Variants in ANKRD13B observed in about 807,000 individuals in gnomAD.
ANKRD13B encodes the protein ankyrin repeat domain-containing protein 13B.
Under a neutral mutation model 74.4 loss-of-function variants are expected in ANKRD13B, and 33 were observed. The ratio of observed to expected loss-of-function variants is 0.44; its 90% confidence interval spans 0.34 to 0.59. The LOEUF is 0.59. Among genes scored for constraint, ANKRD13B ranks in the 20% least tolerant of loss-of-function variants. The pLI, the probability that ANKRD13B is intolerant of heterozygous loss-of-function variation, is 0.02. For missense variants in ANKRD13B, 676 were observed against 877.9 expected, an observed-to-expected ratio of 0.77 and a Z score of 2.91; for synonymous variants, 341 against 362.9, an observed-to-expected ratio of 0.94 and a Z score of 0.68.
chr17:29,599,096 G>T (rs1164493616), intron 1 of ANKRD13B, among the ~76,000 whole-genome samples: 3 of 152,212 alleles, frequency 2.0e-5, no homozygotes, highest in African/African-American at 7.2e-5. Flanking sequence ...CCTCAGATGG[G>T]CTGTCAGGGT....
At chr17:29,607,640 A>G (rs1254912219) in intron 1 of ANKRD13B, 102 bp from the exon 2 acceptor site, 2 of 1,475,710 alleles carry the variant, frequency 1.4e-6, no homozygotes, top group East Asian at 4.7e-5. Flanking sequence ...GAGCAGCCCC[A>G]GCAGGGGGTG....
At position 29,607,946 on chromosome 17, in the gene ANKRD13B, G is replaced by A. The variant is rs375318309; in HGVS notation, c.251-40G>A. 8.2e-6 allele frequency: 13 copies of A among 1,579,876 alleles called. No individual in the cohort carries two copies. The South Asian group carries it at 1.5e-4, about 18-fold the overall frequency. On this transcript the variant is annotated intron_variant, in intron 2 of 14. Transcript: ENST00000394859. The stretch of plus-strand genomic sequence containing the variant: ...CAGCATCATAGACCTATGGTTGGCT[G>A]AAGGGTCCTGCCCTGTGACCTTGCC...
intron 1 of ANKRD13B, among the ~76,000 whole-genome samples, chr17:29,602,997 C>T (rs938594774): frequency 4.6e-5 from 7 of 152,066 alleles, no homozygotes; most frequent in African/African-American, 1.4e-4. Flanking sequence ...ACTACAGGTG[C>T]CCACCACCAC....
At position 29,608,353 on chromosome 17, in the gene ANKRD13B, G is replaced by A. The variant is rs1488653333; in HGVS notation, c.421+113G>A. 3.3e-5 allele frequency: 46 copies of A among 1,412,322 alleles called. 1 individual carries two copies. In the Admixed American group the frequency reaches 8.7e-4, roughly 27 times the overall value. The allele number at this position is 1,412,322 out of a possible 1,614,324, so 87.5% of individuals were successfully genotyped here. A position where few individuals can be genotyped will look rare whatever the true frequency, so the allele number is the denominator to read the frequency against. Reference sequence around the variant, plus strand: ...TTCCGGCGGTTCCCTCTATGCCTTAGCTCAGCTCAGGGCCACCGCCTCAGC... The same window carrying A: ...TTCCGGCGGTTCCCTCTATGCCTTAACTCAGCTCAGGGCCACCGCCTCAGC... On this transcript the variant is annotated intron_variant, in intron 4 of 14. Transcript: ENST00000394859. This position sits in a 1 kb window ranked among gnomAD's most constrained non-coding sequence, Gnocchi z 6.4.
rs922280365 is a variant in ANKRD13B, at chr17:29,601,061, C to T, written c.115-6681C>T. Among the ~76,000 whole-genome samples the T allele has an allele frequency of 8.0e-5, 12 of 149,880 alleles. No individual in the cohort carries two copies. The East Asian group carries it at 2.2e-3, about 27-fold the overall frequency. On this transcript the variant is annotated intron_variant, in intron 1 of 14. Transcript: ENST00000394859. The stretch of plus-strand genomic sequence containing the variant: ...CACCTCAGCCTCCCAGTAGCTGGGA[C>T]GATAGGCATGCACCACCACGCCTGG...
rs749795431 is a variant in ANKRD13B at position 29,608,069 on chromosome 17, C to A, written c.334C>A (p.Arg112=). The stretch of plus-strand genomic sequence containing the variant: ...CCGGGACTACCAGCGGGTGGTGAAG[C>A]GGCTGGCGGGCATCCCCGTGCTCCT... ...RYRDYQRVVK[R]LAGIPVLLEK... The change falls in exon 3 of 15, where the codon CGG becomes AGG. Residue 112 remains arginine (R), a synonymous_variant. Transcript: ENST00000394859. The surrounding 1 kb of genome is among the most constrained non-coding windows in gnomAD (Gnocchi z 6.4). 4 of 1,613,068 alleles carry A rather than the reference C, an allele frequency of 2.5e-6. No individual in the cohort carries two copies. The highest frequency in any genetic ancestry group is 2.2e-5 in the South Asian group (2 of 91,048).
intron 1 of ANKRD13B, among the ~76,000 whole-genome samples, chr17:29,607,374 A>G (rs540610418): frequency 3.3e-4 from 50 of 152,156 alleles, no homozygotes; most frequent in Non-Finnish European, 6.8e-4. Flanking sequence ...TCCTTGGCCA[A>G]CAGCCTCTTT....
intron 1 of ANKRD13B, 57 bp from the exon 2 acceptor site, chr17:29,607,685 G>A (rs201968159): frequency 4.6e-5 from 71 of 1,553,104 alleles, no homozygotes; most frequent in Middle Eastern, 2.4e-4. Context: ...GTCTGGCTCC[G>A]GAGGGCTGCC....
chr17:29,608,882 C>T lies in ANKRD13B; in HGVS notation c.453C>T (p.Asp151=). Residue 151 remains aspartate (D), a synonymous_variant, in exon 5 of 15, where the codon GAC becomes GAT. Transcript: ENST00000394859. The surrounding 1 kb of genome is among the most constrained non-coding windows in gnomAD (Gnocchi z 6.4). Reference sequence around the variant, plus strand: ...TGGTGTCCAAGATCTGCCCTAGTGACACCTACAAAGTGTGGAAGAGCGGCC... The same window carrying T: ...TGGTGTCCAAGATCTGCCCTAGTGATACCTACAAAGTGTGGAAGAGCGGCC... ...VPLVSKICPS[D]TYKVWKSGQN... is the part of the protein sequence containing the mutation. The T allele has an allele frequency of 1.2e-6, 2 of 1,614,154 alleles. No homozygotes were observed. Among genetic ancestry groups the T allele is most frequent in the South Asian group, 1.1e-5 (1 of 91,090 alleles).
In ANKRD13B at chr17:29,608,703, A is replaced by G; in HGVS notation, c.422-148A>G. ...TGTGTGAGTATGGTCTACACTGGCC[A>G]GGGAGGGGGTTTTGGAGGAGAGGCT... is the stretch of plus-strand genomic sequence containing the variant. On this transcript the variant is annotated intron_variant, in intron 4 of 14. Transcript: ENST00000394859. This position sits in a 1 kb window ranked among gnomAD's most constrained non-coding sequence, Gnocchi z 6.4. 1.7e-6 allele frequency: 2 copies of G among 1,153,428 alleles called. No individual in the cohort carries two copies. Among genetic ancestry groups the G allele is most frequent in the Non-Finnish European group, 2.4e-6 (2 of 828,400 alleles). The allele number at this position is 1,153,428 out of a possible 1,614,324, so 71.4% of individuals were successfully genotyped here. A position where few individuals can be genotyped will look rare whatever the true frequency, so the allele number is the denominator to read the frequency against.
rs770662738 is a variant in ANKRD13B at position 29,612,733 on chromosome 17, C to T, written c.1493C>T (p.Ala498Val). The T allele has an allele frequency of 6.2e-6, 10 of 1,600,464 alleles. No individual in the cohort carries two copies. The highest frequency in any genetic ancestry group is 7.6e-6 in the Non-Finnish European group (9 of 1,178,460). ...GYSMMGGQRE[A>V]ATRDDDDDLL... ...AGCATGATGGGCGGCCAGCGGGAGG[C>T]GGCGACCCGGGACGACGACGACGAC... Residue 498 changes from alanine to valine, a missense_variant, in exon 13 of 15, where the codon GCG becomes GTG. Physicochemically the swap from Ala to Val is moderately conservative, Grantham distance 64 (BLOSUM62 0). This residue lies in a region of ANKRD13B where 152 missense variants were observed against 181.4 expected (regional missense o/e 0.84). Transcript: ENST00000394859. This position sits in a 1 kb window ranked among gnomAD's most constrained non-coding sequence, Gnocchi z 6.1.
chr17:29,610,739 T>G lies in ANKRD13B; in HGVS notation c.877T>G (p.Ser293Ala). 1 of 1,613,910 alleles carries G rather than the reference T, an allele frequency of 6.2e-7. No homozygotes were observed. The highest frequency in any genetic ancestry group is 1.1e-5 in the South Asian group (1 of 91,066). ...CACCCGCACACGGACAGAACATCTT[T>G]CAGAACAGCACAAGGGCAAGGTCAA... ...LITRTRTEHL[S>A]EQHKGKVKGC... Residue 293 changes from serine to alanine, a missense_variant, in exon 8 of 15, where the codon TCA becomes GCA. This residue lies in a region of ANKRD13B where 328 missense variants were observed against 518.4 expected (regional missense o/e 0.63). Transcript: ENST00000394859.
intron 1 of ANKRD13B, among the ~76,000 whole-genome samples, chr17:29,599,071 C>A (rs142075575): frequency 6.6e-6 from 1 of 152,202 alleles, no homozygotes; most frequent in Non-Finnish European, 1.5e-5. Flanking sequence ...GTGGATAGAG[C>A]CATAGCAGCT....
At chr17:29,607,934 C>T in intron 2 of ANKRD13B, 52 bp from the exon 3 acceptor site, 4 of 1,578,786 alleles carry the variant, frequency 2.5e-6, no homozygotes, top group Non-Finnish European at 3.4e-6. Flanking sequence ...CATCATAGAC[C>T]TATGGTTGGC....
At chr17:29,602,014 T>C (rs1371764704) in intron 1 of ANKRD13B, among the ~76,000 whole-genome samples, 2 of 152,252 alleles carry the variant, frequency 1.3e-5, no homozygotes, top group Admixed American at 6.5e-5. Flanking sequence ...GTGTTTGTCT[T>C]ACTTGGGGTT....
At position 29,608,371 on chromosome 17, in the gene ANKRD13B, G is replaced by A. The variant is rs2034463383; in HGVS notation, c.421+131G>A. On this transcript the variant is annotated intron_variant, in intron 4 of 14. Transcript: ENST00000394859. This position sits in a 1 kb window ranked among gnomAD's most constrained non-coding sequence, Gnocchi z 6.4. Reference sequence around the variant, plus strand: ...TGCCTTAGCTCAGCTCAGGGCCACCGCCTCAGCTAGGCCTTTCCAGATTGC... The same window carrying A: ...TGCCTTAGCTCAGCTCAGGGCCACCACCTCAGCTAGGCCTTTCCAGATTGC... 7.7e-6 allele frequency: 9 copies of A among 1,167,728 alleles called. No individual in the cohort carries two copies. The highest frequency in any genetic ancestry group is 2.5e-5 in the East Asian group (1 of 39,332). 72.3% of individuals were successfully genotyped at this position (1,167,728 alleles called of 1,614,324 possible). A position where few individuals can be genotyped will look rare whatever the true frequency, so the allele number is the denominator to read the frequency against.
chr17:29,607,651 G>T, intron 1 of ANKRD13B, 91 bp from the exon 2 acceptor site: 2 of 1,497,798 alleles, frequency 1.3e-6, no homozygotes, highest in Non-Finnish European at 1.8e-6. Context: ...GCAGGGGGTG[G>T]GGGTTGCTGC....
chr17:29,601,766 A>G (rs1029024512), intron 1 of ANKRD13B, among the ~76,000 whole-genome samples: 9 of 148,590 alleles, frequency 6.1e-5, no homozygotes, highest in East Asian at 2.0e-4. Context: ...GGATTAGAGA[A>G]AAAAAAAAAA....
intron 1 of ANKRD13B, among the ~76,000 whole-genome samples, chr17:29,598,851 A>C (rs1427122747): frequency 1.3e-5 from 2 of 152,132 alleles, no homozygotes; most frequent in Non-Finnish European, 2.9e-5. Flanking sequence ...CGGCATAAAC[A>C]ATATACTTCT....
Sources: allele counts gnomAD v4.1 joint callset (sites outside exome capture counted in the v4.1 genomes callset), GRCh38; gene constraint gnomAD v4.1.1; regional missense constraint gnomAD v4.1.1; non-coding constraint Gnocchi (gnomAD v3.1); transcripts MANE v1.5; gene names NCBI Gene and HGNC (gene_info 2026-07-23, HGNC 2026-07-21).